Variants in CLTC observed in about 807,000 individuals in gnomAD.
CLTC encodes the protein clathrin heavy chain.
CLTC carries 16 observed loss-of-function variants against 195.8 expected under a neutral mutation model. That is an observed-to-expected ratio of 0.08 (90% CI 0.06 to 0.12). The LOEUF (loss-of-function observed/expected upper bound fraction) is 0.12. Ranked by LOEUF, CLTC falls within the 10% of genes least tolerant of loss-of-function variation. The pLI, the probability that CLTC is intolerant of heterozygous loss-of-function variation, is 1.00. For synonymous variants in CLTC, 667 were observed against 689.4 expected (o/e 0.97, Z 0.51); for missense variants, 796 against 2,027.0 (o/e 0.39, Z 11.66).
In CLTC at chr17:59,694,420, T is replaced by C. The variant is rs1270649140; in HGVS notation, c.*568T>C. 1 of 224,622 alleles carries C rather than the reference T, an allele frequency of 4.5e-6. No individual in the cohort carries two copies. Among genetic ancestry groups the C allele is most frequent in the African/African-American group, 2.2e-5 (1 of 44,816 alleles). The allele number at this position is 224,622 out of a possible 1,614,324, so 13.9% of individuals were successfully genotyped here. On this transcript the variant is annotated 3_prime_UTR_variant, in exon 32 of 32. Transcript: ENST00000269122. ...ATGTTACAGACAACTTGCCTGATTT[T>C]TAAATGAGCGTAAAAGGCCCTCTAA...
intron 31 of CLTC, among the ~76,000 whole-genome samples, chr17:59,692,904 C>T (rs2033340552): frequency 6.6e-6 from 1 of 152,180 alleles, no homozygotes; most frequent in African/African-American, 2.4e-5. Context: ...TCCCACGGTG[C>T]TGGGATTACA....
At chr17:59,638,553 TTGGGGGTGGGAG>T (rs2031937366) in intron 1 of CLTC, among the ~76,000 whole-genome samples, 1 of 150,824 alleles carries the variant, frequency 6.6e-6, no homozygotes, top group South Asian at 2.1e-4. Flanking sequence ...TTTCCACCGG[TTGGGGGTGGGAG>T]TGGGGGTGGG....
At chr17:59,635,455 T>A (rs1432918967) in intron 1 of CLTC, among the ~76,000 whole-genome samples, 1 of 152,210 alleles carries the variant, frequency 6.6e-6, no homozygotes, top group East Asian at 1.9e-4. Flanking sequence ...ATGTGAGAAC[T>A]GCTGGTTGAA....
In CLTC at chr17:59,648,764, G is replaced by GA. The variant is rs2032257447; in HGVS notation, c.681+363_681+364insA. 1.1e-5 allele frequency: 2 copies of GA among 176,404 alleles called. No homozygotes were observed. Among genetic ancestry groups the GA allele is most frequent in the Admixed American group, 5.8e-5 (1 of 17,160 alleles). The allele number at this position is 176,404 out of a possible 1,614,324, so 10.9% of individuals were successfully genotyped here. A position where few individuals can be genotyped will look rare whatever the true frequency, so the allele number is the denominator to read the frequency against. ...GGCTGGAGTGCAGTGGCGCAGTCAT[G>GA]GGCTCACTGCAGCCTCGACCTTCTG... On this transcript the variant is annotated intron_variant, in intron 4 of 31. Transcript: ENST00000269122. This position sits in a 1 kb window ranked among gnomAD's most constrained non-coding sequence, Gnocchi z 4.5.
chr17:59,648,510 G>T lies in CLTC; in HGVS notation c.681+109G>T. Reference sequence around the variant, plus strand: ...CCTTCTCCCTTCCTAAGTAATTTTAGTATTCACATTTGTGGTGACTTAATT... The same window carrying T: ...CCTTCTCCCTTCCTAAGTAATTTTATTATTCACATTTGTGGTGACTTAATT... On this transcript the variant is annotated intron_variant, in intron 4 of 31. Transcript: ENST00000269122. The surrounding 1 kb of genome is among the most constrained non-coding windows in gnomAD (Gnocchi z 4.5). The T allele has an allele frequency of 1.9e-6, 2 of 1,073,090 alleles. No homozygotes were observed. Among genetic ancestry groups the T allele is most frequent in the South Asian group, 1.6e-5 (1 of 62,206 alleles). The allele number at this position is 1,073,090 out of a possible 1,614,324, so 66.5% of individuals were successfully genotyped here.
At chr17:59,639,831 G>C (rs556256065) in intron 1 of CLTC, among the ~76,000 whole-genome samples, 2 of 151,222 alleles carry the variant, frequency 1.3e-5, no homozygotes, top group East Asian at 3.9e-4. Context: ...AGCCAGGCAT[G>C]GTGGCGCCTG....
chr17:59,666,966 A>G lies in CLTC; in HGVS notation c.2117A>G (p.Lys706Arg). 6.2e-7 allele frequency: 1 copy of G among 1,612,268 alleles called. No individual in the cohort carries two copies. Among genetic ancestry groups the G allele is most frequent in the East Asian group, 2.2e-5 (1 of 44,842 alleles). The stretch of plus-strand genomic sequence containing the variant: ...CTGATTGAACTTTTTGAATCTTTCA[A>G]GAGTTTTGAAGGTAATTAGGAGTTT... Reference protein sequence around the residue: ...QSLIELFESFKSFEGLFYFLG... With the variant: ...QSLIELFESFRSFEGLFYFLG... Residue 706 changes from lysine (K) to arginine (R), a missense_variant, in exon 13 of 32, where the codon AAG (lysine) becomes AGG (arginine). Lys to Arg is a conservative substitution (Grantham distance 26). Coordinates refer to ENST00000269122, the MANE Select transcript of CLTC (RefSeq NM_004859.4). The surrounding 1 kb of genome is among the most constrained non-coding windows in gnomAD (Gnocchi z 4.9).
intron 1 of CLTC, among the ~76,000 whole-genome samples, chr17:59,638,967 G>GT (rs750823378): frequency 1.9e-4 from 29 of 152,204 alleles, no homozygotes; most frequent in Non-Finnish European, 3.8e-4. Context: ...TTTGTAACAT[G>GT]TAACTCCAGG....
At chr17:59,623,408 T>A (rs1488169171) in intron 1 of CLTC, among the ~76,000 whole-genome samples, 1 of 152,214 alleles carries the variant, frequency 6.6e-6, no homozygotes, top group Non-Finnish European at 1.5e-5. Context: ...ATTTTCTTGA[T>A]GGTCAGTTTA....
intron 1 of CLTC, among the ~76,000 whole-genome samples, chr17:59,639,844 G>A (rs2031978500): frequency 6.6e-6 from 1 of 151,130 alleles, no homozygotes; most frequent in African/African-American, 2.4e-5. Flanking sequence ...GGCGCCTGTA[G>A]TCTCAGGTAC....
intron 2 of CLTC, among the ~76,000 whole-genome samples, chr17:59,644,907 A>G (rs975912801): frequency 2.6e-5 from 4 of 152,210 alleles, no homozygotes; most frequent in African/African-American, 9.6e-5. Flanking sequence ...TTTTAAGTAT[A>G]TTGATTAAGT....
At chr17:59,627,643 A>C (rs914149883) in intron 1 of CLTC, among the ~76,000 whole-genome samples, 1 of 152,220 alleles carries the variant, frequency 6.6e-6, no homozygotes, top group African/African-American at 2.4e-5. Context: ...ACAGCAAACT[A>C]ACATCTGACT....
rs1007565940 is a variant in CLTC, at chr17:59,682,120, G to A, written c.3443-151G>A. 61 of 760,226 alleles carry A rather than the reference G, an allele frequency of 8.0e-5. No individual in the cohort carries two copies. The highest frequency in any genetic ancestry group is 1.1e-4 in the Non-Finnish European group (51 of 483,942). 47.1% of individuals were successfully genotyped at this position (760,226 alleles called of 1,614,324 possible). ...AAGAATTCATCTATTCATTTGGTCC[G>A]TGATAATACAGAAGTGAAATATTGC... On this transcript the variant is annotated intron_variant, in intron 21 of 31. Transcript: ENST00000269122. This position sits in a 1 kb window ranked among gnomAD's most constrained non-coding sequence, Gnocchi z 6.8.
At chr17:59,628,289 A>G (rs1567926088) in intron 1 of CLTC, among the ~76,000 whole-genome samples, 1 of 152,224 alleles carries the variant, frequency 6.6e-6, no homozygotes, top group South Asian at 2.1e-4. Context: ...CAGGTTTTCA[A>G]CTTGTCTCAA....
intron 1 of CLTC, among the ~76,000 whole-genome samples, chr17:59,621,547 G>A (rs1000222516): frequency 1.8e-4 from 28 of 152,186 alleles, no homozygotes; most frequent in Non-Finnish European, 3.5e-4. Flanking sequence ...TTCTTTGCAA[G>A]TATTACCATG....
intron 6 of CLTC, among the ~76,000 whole-genome samples, chr17:59,656,902 G>C (rs1476431208): frequency 1.3e-5 from 2 of 151,804 alleles, no homozygotes; most frequent in Non-Finnish European, 2.9e-5. Context: ...TCAAACTCCT[G>C]ACCTTGTGAT....
At chr17:59,661,273 T>C (rs781308486) in intron 7 of CLTC, among the ~76,000 whole-genome samples, 170 bp from the exon 8 acceptor site, 1 of 152,222 alleles carries the variant, frequency 6.6e-6, no homozygotes, top group African/African-American at 2.4e-5. Flanking sequence ...TGGTAAAGAT[T>C]TGAAACTTCC....
At chr17:59,664,050 A>G in intron 9 of CLTC, 56 bp downstream of exon 9, 2 of 1,410,936 alleles carry the variant, frequency 1.4e-6, no homozygotes, top group Non-Finnish European at 2.0e-6. Context: ...TGACAGAGAA[A>G]TTAGCCTGTA....
In CLTC at chr17:59,683,152, C is replaced by G; in HGVS notation, c.3931C>G (p.Arg1311Gly). 6.2e-7 allele frequency: 1 copy of G among 1,614,072 alleles called. No homozygotes were observed. Among genetic ancestry groups the G allele is most frequent in the Non-Finnish European group, 8.5e-7 (1 of 1,179,992 alleles). The change falls in exon 25 of 32, where the codon CGA (arginine) becomes GGA (glycine). Residue 1311 changes from arginine (R) to glycine (G), a missense_variant. Coordinates refer to ENST00000269122, the MANE Select transcript of CLTC (RefSeq NM_004859.4). This position sits in a 1 kb window ranked among gnomAD's most constrained non-coding sequence, Gnocchi z 6.1. ...TMLEAALGLE[R>G]AHMGMFTELA... The stretch of plus-strand genomic sequence containing the variant: ...GTTGGAAGCAGCACTGGGACTTGAG[C>G]GAGCTCACATGGGAATGTTTACTGA...
Sources: allele counts gnomAD v4.1 joint callset (sites outside exome capture counted in the v4.1 genomes callset), GRCh38; gene constraint gnomAD v4.1.1; non-coding constraint Gnocchi (gnomAD v3.1); transcripts MANE v1.5; gene names NCBI Gene and HGNC (gene_info 2026-07-23, HGNC 2026-07-21).